Variants in LRRC3B observed in about 807,000 individuals in gnomAD.
LRRC3B encodes leucine-rich repeat-containing protein 3B.
In LRRC3B, 2 loss-of-function variants were observed where a neutral mutation model predicts 12.8. The ratio of observed to expected loss-of-function variants is 0.16; its 90% confidence interval spans 0.06 to 0.49. The LOEUF is 0.49. Among genes scored for constraint, LRRC3B ranks in the 20% least tolerant of loss-of-function variants. The pLI, the probability that LRRC3B is intolerant of heterozygous loss-of-function variation, is 0.96. For missense variants in LRRC3B, 189 were observed against 319.4 expected, an observed-to-expected ratio of 0.59 and a Z score of 3.11; for synonymous variants, 132 against 122.0, an observed-to-expected ratio of 1.08 and a Z score of -0.54.
chr3:26,623,509 G>A (rs1698555908), intron 1 of LRRC3B, among the ~76,000 whole-genome samples: 1 of 152,132 alleles, frequency 6.6e-6, no homozygotes, highest in Non-Finnish European at 1.5e-5. Flanking sequence ...TGCTCACCCC[G>A]TGCTGTGCAA....
intron 1 of LRRC3B, among the ~76,000 whole-genome samples, chr3:26,700,430 C>T (rs1700425401): frequency 6.6e-6 from 1 of 152,092 alleles, no homozygotes; most frequent in Non-Finnish European, 1.5e-5. Context: ...AGGTCCTTTC[C>T]TGCTGCTAAC....
At chr3:26,672,924 G>A (rs376866031) in intron 1 of LRRC3B, among the ~76,000 whole-genome samples, 11 of 152,280 alleles carry the variant, frequency 7.2e-5, no homozygotes, top group African/African-American at 2.6e-4. Context: ...GAATGACTTT[G>A]AGAGAACAGC....
At chr3:26,636,670 G>T (rs1460554755) in intron 1 of LRRC3B, among the ~76,000 whole-genome samples, 2 of 152,112 alleles carry the variant, frequency 1.3e-5, no homozygotes, top group Non-Finnish European at 2.9e-5. Context: ...TATGCCAGGG[G>T]TGTTTCTAAA....
chr3:26,666,644 T>C (rs1341925945), intron 1 of LRRC3B, among the ~76,000 whole-genome samples: 2 of 152,166 alleles, frequency 1.3e-5, no homozygotes, highest in African/African-American at 4.8e-5. Flanking sequence ...TTTCCCCTGT[T>C]GTTCACATAT....
chr3:26,699,038 TTTTG>T (rs969870720), intron 1 of LRRC3B, among the ~76,000 whole-genome samples: 59 of 152,244 alleles, frequency 3.9e-4, no homozygotes, highest in African/African-American at 1.1e-3. Flanking sequence ...TGTTATTTTG[TTTTG>T]TTTATTTTTT....
intron 1 of LRRC3B, among the ~76,000 whole-genome samples, chr3:26,677,787 CTTTT>C (rs1358372522): frequency 8.6e-6 from 1 of 115,644 alleles, no homozygotes; most frequent in Non-Finnish European, 1.6e-5. Flanking sequence ...TCTGTTTTGC[CTTTT>C]GTTTGTTTGT....
chr3:26,669,249 G>A (rs994048500), intron 1 of LRRC3B, among the ~76,000 whole-genome samples: 3 of 152,098 alleles, frequency 2.0e-5, no homozygotes, highest in African/African-American at 4.8e-5. Context: ...GATGAGTGTC[G>A]TGCAGAGCTA....
intron 1 of LRRC3B, among the ~76,000 whole-genome samples, chr3:26,652,586 C>T (rs1215989719): frequency 2.0e-5 from 3 of 152,134 alleles, no homozygotes; most frequent in Admixed American, 6.5e-5. Context: ...GTCAACGGTA[C>T]ATAAAGACAG....
chr3:26,694,001 T>A (rs1359642004), intron 1 of LRRC3B, among the ~76,000 whole-genome samples: 1 of 152,224 alleles, frequency 6.6e-6, no homozygotes, highest in Non-Finnish European at 1.5e-5. Context: ...TATTAATTTT[T>A]TCTTCTCTGC....
intron 1 of LRRC3B, among the ~76,000 whole-genome samples, chr3:26,626,155 T>TGTCTCA (rs1698620730): frequency 6.6e-6 from 1 of 152,238 alleles, no homozygotes; most frequent in African/African-American, 2.4e-5. Flanking sequence ...ACATATCGCC[T>TGTCTCA]GTCTCAAAGT....
intron 1 of LRRC3B, among the ~76,000 whole-genome samples, chr3:26,634,728 T>C (rs1698829658): frequency 6.6e-6 from 1 of 152,228 alleles, no homozygotes; most frequent in African/African-American, 2.4e-5. Flanking sequence ...CCAGGTTGGC[T>C]TTGATCATAA....
chr3:26,627,128 C>T (rs1698645583), intron 1 of LRRC3B, among the ~76,000 whole-genome samples: 1 of 152,212 alleles, frequency 6.6e-6, no homozygotes, highest in Non-Finnish European at 1.5e-5. Flanking sequence ...TACCTGGCCC[C>T]TTCAACAAAG....
At chr3:26,636,841 CCTCCCTCCCTCCCTCCCTCCCTCCCTT>C (rs1698887841) in intron 1 of LRRC3B, among the ~76,000 whole-genome samples, 1 of 84,448 alleles carries the variant, frequency 1.2e-5, no homozygotes, top group African/African-American at 6.1e-5. Flanking sequence ...TCCCTCCCTG[CCTCCCTCCCTCCCTCCCTCCCTCCCTT>C]CCTTCCTTCC....
intron 1 of LRRC3B, among the ~76,000 whole-genome samples, chr3:26,653,356 T>A (rs977357278): frequency 6.6e-6 from 1 of 152,160 alleles, no homozygotes; most frequent in Non-Finnish European, 1.5e-5. Flanking sequence ...TGTCATTTTT[T>A]TTACAGACAG....
At chr3:26,642,440 A>G in intron 1 of LRRC3B, among the ~76,000 whole-genome samples, 1 of 152,180 alleles carries the variant, frequency 6.6e-6, no homozygotes, top group East Asian at 1.9e-4. Flanking sequence ...GGAAAGGAGA[A>G]GAGGATGAAT....
At chr3:26,679,559 G>A (rs1699928307) in intron 1 of LRRC3B, among the ~76,000 whole-genome samples, 2 of 152,206 alleles carry the variant, frequency 1.3e-5, no homozygotes, top group Non-Finnish European at 2.9e-5. Context: ...CTCTGTTCAA[G>A]TGTTACCTCC....
intron 1 of LRRC3B, among the ~76,000 whole-genome samples, chr3:26,643,747 G>T (rs1019028570): frequency 1.9e-4 from 29 of 152,310 alleles, no homozygotes; most frequent in African/African-American, 7.0e-4. Context: ...GAAAGTGAAT[G>T]AGGATGCAGT....
At chr3:26,710,380 C>T (rs199869814) in exon 2 of LRRC3B, 213 of 1,613,944 alleles carry the variant, frequency 1.3e-4, no homozygotes, top group Middle Eastern at 6.6e-4. Context: ...GGAGACACCT[C>T]GAATACTTGA....
At chr3:26,631,220 G>A (rs989142042) in intron 1 of LRRC3B, among the ~76,000 whole-genome samples, 6 of 152,202 alleles carry the variant, frequency 3.9e-5, no homozygotes, top group African/African-American at 1.4e-4. Flanking sequence ...ATTCGCTTGT[G>A]TTTTAGCTCC....
Sources: allele counts gnomAD v4.1 joint callset (sites outside exome capture counted in the v4.1 genomes callset), GRCh38; gene constraint gnomAD v4.1.1; transcripts MANE v1.5; gene names NCBI Gene and HGNC (gene_info 2026-07-23, HGNC 2026-07-21).